Variants in USP37 observed in about 807,000 individuals in gnomAD.
The protein encoded by USP37 is ubiquitin specific peptidase 37.
Under a neutral mutation model 124.0 loss-of-function variants are expected in USP37, and 27 were observed. The ratio of observed to expected loss-of-function variants is 0.22; its 90% CI spans 0.16 to 0.30. The LOEUF is 0.30. USP37 is among the 10% of genes least tolerant of loss of function. The pLI is 1.00. For synonymous variants in USP37, 365 were observed against 388.0 expected (o/e 0.94, Z 0.70); for missense variants, 889 against 1,140.4 (o/e 0.78, Z 3.17).
chr2:218,534,703 G>T lies in USP37; in HGVS notation c.684C>A (p.Asn228Lys). 6.3e-7 allele frequency: 1 copy of T among 1,586,588 alleles called. No homozygotes were observed. The highest frequency in any genetic ancestry group is 1.2e-5 in the South Asian group (1 of 86,526). The change falls in exon 9 of 26, where the codon AAC becomes AAA. Residue 228 changes from asparagine (N) to lysine (K), a missense_variant. Transcript: ENST00000258399. ...TGGAGGGATCTGTCATGGCCTTGTT[G>T]TTCCTATAGTTAATAATTTTACATC... ...DYPKENDSSSNNKAMTDPSRK... is the reference protein window; with the variant it reads ...DYPKENDSSSKNKAMTDPSRK...
intron 10 of USP37, among the ~76,000 whole-genome samples, chr2:218,520,791 CCTTTA>C (rs1559203976): frequency 6.6e-6 from 1 of 152,172 alleles, no homozygotes; most frequent in African/African-American, 2.4e-5. Flanking sequence ...CTCCCTGCAA[CCTTTA>C]CTTGACATGA....
chr2:218,527,430 T>C (rs1691041441), intron 10 of USP37, among the ~76,000 whole-genome samples: 1 of 152,222 alleles, frequency 6.6e-6, no homozygotes. Flanking sequence ...TTACATTTAG[T>C]TCCCAATCTC....
chr2:218,476,035 A>G (rs147462638), intron 19 of USP37, among the ~76,000 whole-genome samples: 152 of 152,324 alleles, frequency 1.0e-3, no homozygotes, highest in African/African-American at 3.4e-3. Flanking sequence ...CTCTGGCTTT[A>G]AAGTAAGATA....
intron 17 of USP37, among the ~76,000 whole-genome samples, chr2:218,480,074 A>G (rs1200913046): frequency 1.3e-5 from 2 of 151,250 alleles, no homozygotes; most frequent in Non-Finnish European, 2.9e-5. Context: ...TGAACCTGGG[A>G]GGCGGAGGTT....
intron 13 of USP37, among the ~76,000 whole-genome samples, chr2:218,497,136 T>C (rs906430391): frequency 2.6e-5 from 4 of 152,130 alleles, no homozygotes; most frequent in Non-Finnish European, 5.9e-5. Context: ...AATGGTGCGA[T>C]CTCAGCTCAC....
chr2:218,545,989 T>A (rs2106043404), intron 8 of USP37, among the ~76,000 whole-genome samples: 2 of 152,324 alleles, frequency 1.3e-5, no homozygotes, highest in Middle Eastern at 6.8e-3. Context: ...ACTGCAGATT[T>A]AAGAAAAGGC....
chr2:218,562,120 T>C (rs1693345757), intron 2 of USP37, among the ~76,000 whole-genome samples: 1 of 152,248 alleles, frequency 6.6e-6, no homozygotes, highest in East Asian at 1.9e-4. Context: ...TTTAGTTCAT[T>C]ACCTGCTTTT....
At chr2:218,531,870 A>G (rs2106026708) in intron 9 of USP37, among the ~76,000 whole-genome samples, 1 of 152,356 alleles carries the variant, frequency 6.6e-6, no homozygotes, top group South Asian at 2.1e-4. Context: ...ATGTGACTGA[A>G]TTGCTGCAAT....
chr2:218,530,783 C>T (rs568084215), intron 9 of USP37, among the ~76,000 whole-genome samples: 9 of 152,230 alleles, frequency 5.9e-5, no homozygotes, highest in Non-Finnish European at 7.4e-5. Context: ...AAGTGAATTA[C>T]AAAGCAAAAC....
intron 8 of USP37, among the ~76,000 whole-genome samples, chr2:218,544,459 A>AGAGAGAGG (rs1457872657): frequency 1.4e-5 from 2 of 143,248 alleles, no homozygotes; most frequent in African/African-American, 5.3e-5. Flanking sequence ...AGAGAGAGAG[A>AGAGAGAGG]GACCCCAATT....
In USP37 at chr2:218,558,671, C is replaced by T. The variant is rs766378311; in HGVS notation, c.-18G>A. The T allele has an allele frequency of 7.0e-6, 11 of 1,570,308 alleles. No individual in the cohort carries two copies. Among genetic ancestry groups the T allele is most frequent in the Admixed American group, 5.7e-5 (3 of 52,926 alleles). On this transcript the variant is annotated 5_prime_UTR_variant, in exon 4 of 26. Transcript: ENST00000258399. ...GGAGACATATTTTCTTTAAAAATTG[C>T]TTCTGGCTAAATTAAAAAGCAAAAA... is the stretch of plus-strand genomic sequence containing the variant.
intron 10 of USP37, among the ~76,000 whole-genome samples, chr2:218,517,360 A>C (rs879040497): frequency 6.6e-6 from 1 of 152,170 alleles, no homozygotes; most frequent in Non-Finnish European, 1.5e-5. Flanking sequence ...TCCAACCTTT[A>C]ATCTGAGTTC....
intron 20 of USP37, among the ~76,000 whole-genome samples, chr2:218,467,659 T>G (rs2106412637): frequency 1.3e-5 from 2 of 151,766 alleles, no homozygotes; most frequent in Middle Eastern, 6.9e-3. Flanking sequence ...ATTTTTGTAT[T>G]TTTTAGTAGA....
chr2:218,534,062 A>T (rs911792711), intron 9 of USP37, among the ~76,000 whole-genome samples: 16 of 152,226 alleles, frequency 1.1e-4, no homozygotes, highest in Non-Finnish European at 2.1e-4. Flanking sequence ...AAACAGCTTA[A>T]TTCTAGGCAG....
chr2:218,555,409 C>T (rs922601244), intron 4 of USP37, among the ~76,000 whole-genome samples: 1 of 151,942 alleles, frequency 6.6e-6, no homozygotes, highest in Middle Eastern at 3.2e-3. Flanking sequence ...CAAAGTGGGT[C>T]GTAAAATTAT....
At chr2:218,545,850 G>A (rs1203520719) in intron 8 of USP37, among the ~76,000 whole-genome samples, 1 of 151,914 alleles carries the variant, frequency 6.6e-6, no homozygotes, top group Non-Finnish European at 1.5e-5. Context: ...CTTTTTACAT[G>A]AGTAAAATGA....
At chr2:218,494,788 G>C (rs1233375161) in intron 14 of USP37, among the ~76,000 whole-genome samples, 1 of 152,182 alleles carries the variant, frequency 6.6e-6, no homozygotes, top group Non-Finnish European at 1.5e-5. Context: ...GCAGGCTATA[G>C]AAGTCCTGAT....
At chr2:218,463,429 G>A (rs1690135355) in intron 21 of USP37, 63 bp from the exon 22 acceptor site, 3 of 1,458,182 alleles carry the variant, frequency 2.1e-6, no homozygotes, top group Admixed American at 1.7e-5. Flanking sequence ...TACTTAATGA[G>A]GATAAAATCA....
chr2:218,565,296 T>A (rs1693531743), intron 1 of USP37, among the ~76,000 whole-genome samples: 1 of 152,230 alleles, frequency 6.6e-6, no homozygotes, highest in Non-Finnish European at 1.5e-5. Context: ...TATGGAAATC[T>A]CATCTTCACT....
Sources: allele counts gnomAD v4.1 joint callset (sites outside exome capture counted in the v4.1 genomes callset), GRCh38; gene constraint gnomAD v4.1.1; transcripts MANE v1.5; gene names NCBI Gene and HGNC (gene_info 2026-07-23, HGNC 2026-07-21).